Variants in UST observed in about 807,000 individuals in gnomAD.
UST encodes the protein uronyl 2-sulfotransferase, also known as chondroitin sulfate 2-O-sulfotransferase.
Under a neutral mutation model 45.6 loss-of-function variants are expected in UST, and 21 were observed. That is an observed-to-expected ratio of 0.46 (90% CI 0.33 to 0.66). UST has a LOEUF of 0.66. Ranked by LOEUF, UST falls within the 30% of genes least tolerant of loss-of-function variation. The pLI, the probability that UST is intolerant of heterozygous loss-of-function variation, is 0.02. For synonymous variants in UST, 215 were observed against 200.6 expected (o/e 1.07, Z -0.61); for missense variants, 463 against 512.4 (o/e 0.90, Z 0.93).
In UST at chr6:148,964,446, T is replaced by C; in HGVS notation, c.564T>C (p.Ile188=). 3 of 1,614,196 alleles carry C rather than the reference T, an allele frequency of 1.9e-6. No homozygotes were observed. The Middle Eastern group carries it at 4.9e-4, about 266-fold the overall frequency. Residue 188 remains isoleucine, a synonymous_variant, in exon 5 of 8, where the codon ATT becomes ATC. Coordinates refer to ENST00000367463, the MANE Select transcript of UST (RefSeq NM_005715.3). ...ACCAGCCTGTCTACATCAACATCAT[T>C]AGAGACCCCGTCAACCGGTTCTTAT... ...GGDQPVYINI[I]RDPVNRFLSN...
At chr6:149,038,295 G>A (rs1192516538) in intron 7 of UST, among the ~76,000 whole-genome samples, 2 of 150,320 alleles carry the variant, frequency 1.3e-5, no homozygotes, top group Admixed American at 6.7e-5. Flanking sequence ...TTATTTGGAA[G>A]TAGAGACTTT....
At chr6:148,751,769 G>C (rs976215106) in intron 1 of UST, among the ~76,000 whole-genome samples, 1 of 151,486 alleles carries the variant, frequency 6.6e-6, no homozygotes, top group Non-Finnish European at 1.5e-5. Flanking sequence ...TTCAAACTTT[G>C]TTTTGCTATG....
At position 149,073,945 on chromosome 6, in the gene UST, C is replaced by T. The variant is rs377351672; in HGVS notation, c.1050C>T (p.Tyr350=). ...RMRYEYEFYH[Y]VKEQFHLLKR... is the part of the protein sequence containing the mutation. Reference sequence around the variant, plus strand: ...GATACGAGTACGAGTTTTACCACTACGTCAAAGAGCAGTTCCACCTGCTGA... The same window carrying T: ...GATACGAGTACGAGTTTTACCACTATGTCAAAGAGCAGTTCCACCTGCTGA... Residue 350 remains tyrosine (Y), a synonymous_variant, in exon 8 of 8, where the codon TAC becomes TAT. Coordinates refer to ENST00000367463, the MANE Select transcript of UST (RefSeq NM_005715.3). 1.3e-5 allele frequency: 21 copies of T among 1,614,040 alleles called. No homozygotes were observed. In the African/African-American group the frequency reaches 2.1e-4, roughly 16 times the overall value.
At chr6:148,860,953 TTC>T (rs1778301256) in intron 1 of UST, among the ~76,000 whole-genome samples, 1 of 152,186 alleles carries the variant, frequency 6.6e-6, no homozygotes, top group South Asian at 2.1e-4. Context: ...TGGTCTAAAA[TTC>T]TCTGTTTTTG....
At chr6:148,766,270 T>G (rs7774833) in intron 1 of UST, among the ~76,000 whole-genome samples, 54,897 of 151,912 alleles carry the variant, frequency 0.36, 10,488 homozygotes, top group African/African-American at 0.48. Flanking sequence ...CTCACAAGGC[T>G]TATTCTTCAT....
intron 1 of UST, among the ~76,000 whole-genome samples, chr6:148,806,812 A>G (rs528166563): frequency 2.0e-5 from 3 of 152,312 alleles, no homozygotes; most frequent in African/African-American, 7.2e-5. Context: ...ATGCAAGTGC[A>G]TGAGATAGAG....
chr6:149,011,078 AG>A (rs1002724099), intron 5 of UST, among the ~76,000 whole-genome samples: 1 of 24,012 alleles, frequency 4.2e-5, no homozygotes, highest in Non-Finnish European at 9.1e-5. Flanking sequence ...GCTCCCAATG[AG>A]TTAAGGATAT....
At chr6:149,048,186 G>A (rs1275152769) in intron 7 of UST, among the ~76,000 whole-genome samples, 1 of 151,680 alleles carries the variant, frequency 6.6e-6, no homozygotes, top group Non-Finnish European at 1.5e-5. Flanking sequence ...CTGTTTTTTG[G>A]GGGGATGGGG....
At chr6:148,980,964 A>T (rs1022576308) in intron 5 of UST, among the ~76,000 whole-genome samples, 2 of 151,970 alleles carry the variant, frequency 1.3e-5, no homozygotes, top group African/African-American at 4.8e-5. Flanking sequence ...AGCTCAAGTG[A>T]TCCTCCCACC....
intron 1 of UST, among the ~76,000 whole-genome samples, chr6:148,842,096 ACT>A (rs1186029808): frequency 5.3e-5 from 8 of 152,108 alleles, no homozygotes; most frequent in African/African-American, 1.9e-4. Flanking sequence ...ACAGAGTGAG[ACT>A]CTGTCCCAAG....
At chr6:148,978,093 A>C (rs1333922469) in intron 5 of UST, among the ~76,000 whole-genome samples, 1 of 152,060 alleles carries the variant, frequency 6.6e-6, no homozygotes, top group Non-Finnish European at 1.5e-5. Context: ...TAACTCAGTC[A>C]CCTTAGTAAG....
intron 5 of UST, among the ~76,000 whole-genome samples, chr6:148,987,957 G>C (rs910361306): frequency 1.3e-5 from 2 of 152,066 alleles, no homozygotes; most frequent in African/African-American, 4.8e-5. Context: ...CTATGCTCTC[G>C]AGGAATTGTC....
intron 5 of UST, among the ~76,000 whole-genome samples, chr6:148,985,821 A>G (rs535785817): frequency 1.6e-4 from 24 of 152,312 alleles, no homozygotes; most frequent in Non-Finnish European, 2.8e-4. Context: ...AACAAATACT[A>G]TTGAGCACAT....
chr6:148,964,444 A>G lies in UST; in HGVS notation c.562A>G (p.Ile188Val), dbSNP rs1218286142. ...AGACCAGCCTGTCTACATCAACATC[A>G]TTAGAGACCCCGTCAACCGGTTCTT... ...GGDQPVYINI[I>V]RDPVNRFLSN... Residue 188 changes from isoleucine (I) to valine (V), a missense_variant, in exon 5 of 8, where the codon ATT (isoleucine) becomes GTT (valine). Transcript: ENST00000367463. The G allele has an allele frequency of 3.1e-6, 5 of 1,614,096 alleles. No individual in the cohort carries two copies. The South Asian group carries it at 3.3e-5, about 11-fold the overall frequency.
At chr6:148,843,560 A>G (rs1339603612) in intron 1 of UST, among the ~76,000 whole-genome samples, 3 of 152,178 alleles carry the variant, frequency 2.0e-5, no homozygotes, top group African/African-American at 7.2e-5. Flanking sequence ...TCATTTAATC[A>G]TGAAGGTAAC....
chr6:149,057,587 T>C (rs147836498), intron 7 of UST, among the ~76,000 whole-genome samples: 2,384 of 152,308 alleles, frequency 0.016, 66 homozygotes, highest in African/African-American at 0.054. Flanking sequence ...AACAAGGATG[T>C]GCATCTGATA....
chr6:149,052,849 G>T (rs1372709866), intron 7 of UST, among the ~76,000 whole-genome samples: 1 of 152,178 alleles, frequency 6.6e-6, no homozygotes, highest in Admixed American at 6.5e-5. Flanking sequence ...TTAATAAAGT[G>T]CTTGCAAAGA....
chr6:149,015,600 T>C (rs1272590292), intron 5 of UST, among the ~76,000 whole-genome samples: 6 of 152,122 alleles, frequency 3.9e-5, no homozygotes, highest in South Asian at 2.1e-4. Flanking sequence ...AAACAAAAGT[T>C]TGAAATCCAT....
chr6:148,803,593 T>C (rs1050168720), intron 1 of UST, among the ~76,000 whole-genome samples: 2 of 152,210 alleles, frequency 1.3e-5, no homozygotes, highest in African/African-American at 4.8e-5. Flanking sequence ...TCATGCTGAA[T>C]GTTCTCTCCT....
Sources: allele counts gnomAD v4.1 joint callset (sites outside exome capture counted in the v4.1 genomes callset), GRCh38; gene constraint gnomAD v4.1.1; transcripts MANE v1.5; gene names NCBI Gene and HGNC (gene_info 2026-07-23, HGNC 2026-07-21).